The following HEATR3 variants were observed in gnomAD, a reference collection of about 807,000 sequenced individuals.
HEATR3 encodes the protein HEAT repeat containing 3, also known as HEAT repeat-containing protein 3.
A neutral mutation model predicts 72.8 loss-of-function variants in HEATR3; 56 were observed. The ratio of observed to expected loss-of-function variants is 0.77; its 90% CI spans 0.62 to 0.96. HEATR3 has a LOEUF of 0.96. Ranked by LOEUF, HEATR3 falls within the 40% of genes least tolerant of loss-of-function variation. The probability of loss-of-function intolerance (pLI) is 0.00; values close to 1 mark genes in which losing one functional copy is unlikely to be tolerated. For synonymous variants in HEATR3, 331 were observed against 318.1 expected (o/e 1.04, Z -0.43); for missense variants, 747 against 831.4 (o/e 0.90, Z 1.25).
In HEATR3 at chr16:50,066,347, CT is replaced by C. The variant is rs752945830; in HGVS notation, c.139-16del. Reference sequence around the variant, plus strand: ...CGTGCGCATTGCGCGCCTTCTGACCCTTTTCGCTCTCATCCGCAGCTCCAGC... The same window carrying C: ...CGTGCGCATTGCGCGCCTTCTGACCCTTTCGCTCTCATCCGCAGCTCCAGC... On this transcript the variant is annotated intron_variant, in intron 1 of 14. Coordinates refer to ENST00000299192, the MANE Select transcript of HEATR3 (RefSeq NM_182922.4). 11 of 1,556,856 alleles carry C rather than the reference CT, an allele frequency of 7.1e-6. No individual in the cohort carries two copies. Among genetic ancestry groups the C allele is most frequent in the Non-Finnish European group, 9.5e-6 (11 of 1,161,716 alleles).
intron 6 of HEATR3, 60 bp downstream of exon 6, chr16:50,075,771 G>A (rs934688877): frequency 4.4e-5 from 65 of 1,478,374 alleles, no homozygotes; most frequent in Non-Finnish European, 5.9e-5. Flanking sequence ...TGGATGTGGT[G>A]GGGGCAAAAT....
Position 50,066,553 on chromosome 16 carries a change from G to T in HEATR3, c.311+14G>T. On this transcript the variant is annotated intron_variant, in intron 2 of 14. Transcript: ENST00000299192. Reference sequence around the variant, plus strand: ...CGGCGCGCTGAGGTGAGCCAGGAAGGGTGCGGGGCGGTGCCCACCGCTGGC... The same window carrying T: ...CGGCGCGCTGAGGTGAGCCAGGAAGTGTGCGGGGCGGTGCCCACCGCTGGC... 7.8e-7 allele frequency: 1 copy of T among 1,281,972 alleles called. No homozygotes were observed. Among genetic ancestry groups the T allele is most frequent in the South Asian group, 2.7e-5 (1 of 37,308 alleles). The allele number at this position is 1,281,972 out of a possible 1,614,324, so 79.4% of individuals were successfully genotyped here. A position where few individuals can be genotyped will look rare whatever the true frequency, so the allele number is the denominator to read the frequency against.
chr16:50,066,458 G>C lies in HEATR3; in HGVS notation c.230G>C (p.Arg77Pro). 2.2e-6 allele frequency: 3 copies of C among 1,371,380 alleles called. No individual in the cohort carries two copies. The highest frequency in any genetic ancestry group is 2.8e-6 in the Non-Finnish European group (3 of 1,070,054). The allele number at this position is 1,371,380 out of a possible 1,614,324, so 85.0% of individuals were successfully genotyped here. The change falls in exon 2 of 15, where the codon CGA becomes CCA. Residue 77 changes from arginine to proline, a missense_variant. By Grantham distance (103) the Arg-to-Pro change is moderately radical. Transcript: ENST00000299192. ...QQRPALPGLA[R>P]RDAVRRLGPL... ...CGGCCGGCACTCCCGGGCCTGGCGC[G>C]ACGAGACGCCGTGCGCCGCCTCGGG... is the stretch of plus-strand genomic sequence containing the variant.
chr16:50,097,468 A>T (rs1013891176), intron 12 of HEATR3, among the ~76,000 whole-genome samples: 37 of 149,374 alleles, frequency 2.5e-4, no homozygotes, highest in African/African-American at 8.4e-4. Context: ...CATTATAGTC[A>T]TGCTTTTTGC....
intron 12 of HEATR3, 54 bp from the exon 13 acceptor site, chr16:50,100,176 G>A: frequency 6.4e-7 from 1 of 1,555,576 alleles, no homozygotes; most frequent in Non-Finnish European, 8.7e-7. Flanking sequence ...TTCACATGCT[G>A]ATAGAATTAA....
At chr16:50,075,185 C>T (rs996145093) in intron 5 of HEATR3, among the ~76,000 whole-genome samples, 1 of 151,612 alleles carries the variant, frequency 6.6e-6, no homozygotes, top group African/African-American at 2.4e-5. Flanking sequence ...GGCATCATGG[C>T]GCATACCTTT....
In HEATR3 at chr16:50,072,733, A is replaced by G. The variant is rs377353178; in HGVS notation, c.622+19A>G. The G allele has an allele frequency of 1.4e-6, 2 of 1,411,130 alleles. No homozygotes were observed. The highest frequency in any genetic ancestry group is 2.0e-6 in the Non-Finnish European group (2 of 994,424). 87.4% of individuals were successfully genotyped at this position (1,411,130 alleles called of 1,614,324 possible). ...TCAGTAGGTAAGTGAAGAAAAGGTGATGACTTATTAAGAATGTGTAGCCTT... is the reference window on the plus strand; with the variant it reads ...TCAGTAGGTAAGTGAAGAAAAGGTGGTGACTTATTAAGAATGTGTAGCCTT... On this transcript the variant is annotated intron_variant, in intron 5 of 14. Transcript: ENST00000299192.
At chr16:50,096,792 C>CT (rs1352512919) in intron 12 of HEATR3, among the ~76,000 whole-genome samples, 1 of 152,174 alleles carries the variant, frequency 6.6e-6, no homozygotes. Context: ...GAGGGAGACT[C>CT]TGTCTCAAAA....
chr16:50,084,000 A>G lies in HEATR3; in HGVS notation c.1105A>G (p.Ile369Val). 1 of 1,613,666 alleles carries G rather than the reference A, an allele frequency of 6.2e-7. No individual in the cohort carries two copies. The highest frequency in any genetic ancestry group is 8.5e-7 in the Non-Finnish European group (1 of 1,179,984). ...GACAGCCCAACAGACTGCTCTGGAA[A>G]TTATTGTCAACATGTGCTGCAATGA... ...LLTAQQTALEIIVNMCCNEDP... is the reference protein window; with the variant it reads ...LLTAQQTALEVIVNMCCNEDP... Residue 369 changes from isoleucine (I) to valine (V), a missense_variant, in exon 8 of 15, where the codon ATT (isoleucine) becomes GTT (valine). Physicochemically the swap from Ile to Val is conservative, Grantham distance 29. Coordinates refer to ENST00000299192, the MANE Select transcript of HEATR3 (RefSeq NM_182922.4).
Position 50,084,218 on chromosome 16 carries a change from G to A in HEATR3, c.1217G>A (p.Gly406Glu), listed in dbSNP as rs771759008. ...FMENSFSECGGQLFSPLCLSH... is the reference protein window; with the variant it reads ...FMENSFSECGEQLFSPLCLSH... Reference sequence around the variant, plus strand: ...GAGAATTCCTTCAGTGAGTGCGGGGGACAGCTGTTTTCTCCCCTCTGCCTC... The same window carrying A: ...GAGAATTCCTTCAGTGAGTGCGGGGAACAGCTGTTTTCTCCCCTCTGCCTC... The change falls in exon 9 of 15, where the codon GGA (glycine) becomes GAA (glutamate). Residue 406 changes from glycine (G) to glutamate (E), a missense_variant. Physicochemically the swap from Gly to Glu is moderately conservative, Grantham distance 98 (BLOSUM62 -2). Coordinates refer to ENST00000299192, the MANE Select transcript of HEATR3 (RefSeq NM_182922.4). 8.7e-6 allele frequency: 14 copies of A among 1,614,034 alleles called. No individual in the cohort carries two copies. In the Admixed American group the frequency reaches 2.2e-4, roughly 25 times the overall value.
At chr16:50,084,091 T>C in intron 8 of HEATR3, 43 bp from the exon 9 acceptor site, 5 of 1,614,020 alleles carry the variant, frequency 3.1e-6, no homozygotes, top group Non-Finnish European at 4.2e-6. Flanking sequence ...CCGTGGAGAT[T>C]TTCTTAACTA....
chr16:50,084,725 G>A lies in HEATR3; in HGVS notation c.1373+74G>A, dbSNP rs946401159. On this transcript the variant is annotated intron_variant, in intron 10 of 14. Coordinates refer to ENST00000299192, the MANE Select transcript of HEATR3 (RefSeq NM_182922.4). Reference sequence around the variant, plus strand: ...GAAATGATGGGCTATTAAATAGAAGGTGCTGACTCCCCCTAGGACCCAGAA... The same window carrying A: ...GAAATGATGGGCTATTAAATAGAAGATGCTGACTCCCCCTAGGACCCAGAA... 7.8e-6 allele frequency: 9 copies of A among 1,150,772 alleles called. No homozygotes were observed. The African/African-American group carries it at 1.1e-4, about 14-fold the overall frequency. The allele number at this position is 1,150,772 out of a possible 1,614,324, so 71.3% of individuals were successfully genotyped here. A position where few individuals can be genotyped will look rare whatever the true frequency, so the allele number is the denominator to read the frequency against.
At chr16:50,095,119 CT>C (rs34657810) in intron 12 of HEATR3, among the ~76,000 whole-genome samples, 209 of 143,244 alleles carry the variant, frequency 1.5e-3, no homozygotes, top group African/African-American at 2.0e-3. Context: ...TTTTTTAAAT[CT>C]TTTTTTTTTT....
At chr16:50,096,249 T>C (rs1427758778) in intron 12 of HEATR3, among the ~76,000 whole-genome samples, 2 of 134,312 alleles carry the variant, frequency 1.5e-5, no homozygotes, top group African/African-American at 2.9e-5. Flanking sequence ...CACTTGAACC[T>C]GGGAGGCGGA....
chr16:50,067,183 G>A (rs1481253378), intron 2 of HEATR3, among the ~76,000 whole-genome samples: 1 of 151,954 alleles, frequency 6.6e-6, no homozygotes, highest in East Asian at 1.9e-4. Flanking sequence ...GCAAGACCCC[G>A]TCTGTAGAAA....
In HEATR3 at chr16:50,066,422, T is replaced by G. The variant is rs1567421712; in HGVS notation, c.194T>G (p.Leu65Arg). ...RECACAGLAR[L>R]VQQRPALPGL... The stretch of plus-strand genomic sequence containing the variant: ...TGCGCCTGCGCAGGGCTGGCCCGGC[T>G]GGTGCAGCAGCGGCCGGCACTCCCG... The change falls in exon 2 of 15, where the codon CTG becomes CGG. Residue 65 changes from leucine (L) to arginine (R), a missense_variant. Leu to Arg is a moderately radical substitution (Grantham distance 102, BLOSUM62 -2). Coordinates refer to ENST00000299192, the MANE Select transcript of HEATR3 (RefSeq NM_182922.4). 3 of 1,508,136 alleles carry G rather than the reference T, an allele frequency of 2.0e-6. No homozygotes were observed. Among genetic ancestry groups the G allele is most frequent in the African/African-American group, 1.4e-5 (1 of 69,086 alleles). The allele number at this position is 1,508,136 out of a possible 1,614,324, so 93.4% of individuals were successfully genotyped here.
At chr16:50,089,128 A>C (rs2037052460) in intron 11 of HEATR3, among the ~76,000 whole-genome samples, 1 of 152,236 alleles carries the variant, frequency 6.6e-6, no homozygotes, top group Admixed American at 6.5e-5. Flanking sequence ...TCCTGGAGAA[A>C]TAATGGAAAG....
In HEATR3 at chr16:50,083,550, T is replaced by A. The variant is rs2036918053; in HGVS notation, c.1042-387T>A. Reference sequence around the variant, plus strand: ...CATCTAAAAGCAGGTTTGGTGTTTCTAAGTGCCTGGTGTCTGAAATGAACT... The same window carrying A: ...CATCTAAAAGCAGGTTTGGTGTTTCAAAGTGCCTGGTGTCTGAAATGAACT... On this transcript the variant is annotated intron_variant, in intron 7 of 14. Transcript: ENST00000299192. Among the ~76,000 whole-genome samples, 4 of 152,186 alleles carry A rather than the reference T, an allele frequency of 2.6e-5. No homozygotes were observed. In the South Asian group the frequency reaches 8.3e-4, roughly 31 times the overall value.
At chr16:50,079,914 T>C (rs992765999) in intron 7 of HEATR3, 2 of 152,210 alleles carry the variant, frequency 1.3e-5, no homozygotes, top group African/African-American at 4.8e-5. Flanking sequence ...ATAGTATCTG[T>C]GGAGTAAGCC....
Sources: gnomAD v4.1 joint callset for allele counts (sites outside exome capture counted in the v4.1 genomes callset) on GRCh38, gnomAD v4.1.1 for gene constraint, MANE v1.5 for transcripts, NCBI Gene and HGNC (gene_info 2026-07-23, HGNC 2026-07-21) for gene names.